CASK: variants seen among roughly 807,000 people sequenced by gnomAD.
CASK encodes the protein peripheral plasma membrane protein CASK.
In CASK, 4 loss-of-function variants were observed where a neutral mutation model predicts 82.9. The observed-to-expected ratio is 0.05, with a 90% CI of 0.02 to 0.11. The LOEUF (loss-of-function observed/expected upper bound fraction) is 0.11. Ranked by LOEUF, CASK falls within the 10% of genes least tolerant of loss-of-function variation. CASK has a pLI of 1.00. For synonymous variants in CASK, 259 were observed against 253.5 expected (o/e 1.02, Z -0.20); for missense variants, 358 against 720.9 (o/e 0.50, Z 5.76).
chrX:41,790,285 T>G (rs2069688295), intron 2 of CASK: 1 of 652,518 alleles, frequency 1.5e-6, no homozygotes, highest in Non-Finnish European at 2.1e-6. Context: ...CAGGCTGGTC[T>G]TGAACTCCTG....
chrX:41,632,818 G>A (rs1329888882), intron 9 of CASK, among the ~76,000 whole-genome samples: 1 of 110,348 alleles, frequency 9.1e-6, no homozygotes, highest in Non-Finnish European at 1.9e-5. Context: ...AGGCCGAGGC[G>A]GGCGGATCAC....
intron 5 of CASK, among the ~76,000 whole-genome samples, chrX:41,685,335 G>T (rs1465926831): frequency 8.9e-6 from 1 of 111,888 alleles, no homozygotes; most frequent in African/African-American, 3.2e-5. Flanking sequence ...TTCCCCATTG[G>T]TAACTATTTT....
At chrX:41,873,000 G>A (rs892348628) in intron 1 of CASK, among the ~76,000 whole-genome samples, 1 of 111,346 alleles carries the variant, frequency 9.0e-6, no homozygotes, top group Non-Finnish European at 1.9e-5. Flanking sequence ...TAGCTGAAGA[G>A]TAAAATAAAT....
chrX:41,617,264 TC>T (rs2066217586), intron 11 of CASK, among the ~76,000 whole-genome samples: 1 of 112,103 alleles, frequency 8.9e-6, no homozygotes, highest in Non-Finnish European at 1.9e-5. Context: ...CTATTAAACC[TC>T]CTTGGATCTG....
At chrX:41,719,964 G>A (rs1352260947) in intron 5 of CASK, among the ~76,000 whole-genome samples, 2 of 112,732 alleles carry the variant, frequency 1.8e-5, no homozygotes, top group African/African-American at 6.4e-5. Flanking sequence ...ACGGCTAGCA[G>A]ATATTTAAGA....
At chrX:41,602,283 T>C (rs1192415699) in intron 12 of CASK, among the ~76,000 whole-genome samples, 1 of 111,890 alleles carries the variant, frequency 8.9e-6, no homozygotes, top group Non-Finnish European at 1.9e-5. Flanking sequence ...CTTTCTTTCA[T>C]AGCATTTTTT....
chrX:41,820,650 T>C (rs1194342075), intron 2 of CASK, among the ~76,000 whole-genome samples: 1 of 110,713 alleles, frequency 9.0e-6, no homozygotes, highest in Non-Finnish European at 1.9e-5. Flanking sequence ...ATTCACAAAT[T>C]TACTCTAAAT....
chrX:41,608,497 A>G (rs970333904), intron 12 of CASK, among the ~76,000 whole-genome samples: 1 of 112,095 alleles, frequency 8.9e-6, no homozygotes, highest in African/African-American at 3.2e-5. Flanking sequence ...TTCAGCACCA[A>G]ACAGTTCTAG....
chrX:41,612,280 G>T (rs1183687517), intron 11 of CASK, among the ~76,000 whole-genome samples: 1 of 106,808 alleles, frequency 9.4e-6, no homozygotes, highest in Non-Finnish European at 1.9e-5. Flanking sequence ...GCCGCCCATC[G>T]TCTGAGATGT....
chrX:41,766,689 C>T (rs747902625), intron 3 of CASK, among the ~76,000 whole-genome samples: 1 of 111,854 alleles, frequency 8.9e-6, no homozygotes, highest in Non-Finnish European at 1.9e-5. Flanking sequence ...GAGTTTGAGA[C>T]CAGCCTGGCC....
At chrX:41,672,772 T>C (rs996427627) in intron 5 of CASK, among the ~76,000 whole-genome samples, 1 of 111,605 alleles carries the variant, frequency 9.0e-6, no homozygotes, top group African/African-American at 3.3e-5. Context: ...AATACAAGTG[T>C]GTATGTGAGA....
At chrX:41,833,553 T>C (rs1418571963) in intron 2 of CASK, among the ~76,000 whole-genome samples, 1 of 110,602 alleles carries the variant, frequency 9.0e-6, no homozygotes, top group Non-Finnish European at 1.9e-5. Context: ...GTTCTGAAAA[T>C]AGGTAGCAAT....
At chrX:41,919,213 A>G (rs2072743430) in intron 1 of CASK, 1 of 112,223 alleles carries the variant, frequency 8.9e-6, no homozygotes. Context: ...AGATCCATAA[A>G]TAAGTAACTG....
At chrX:41,769,198 CT>C (rs759796998) in intron 3 of CASK, among the ~76,000 whole-genome samples, 73 of 91,512 alleles carry the variant, frequency 8.0e-4, no homozygotes, top group Non-Finnish European at 1.1e-3. Context: ...TTTTCTTTTT[CT>C]TTTTTTTTTT....
At chrX:41,646,536 C>A (rs1294415029) in intron 8 of CASK, among the ~76,000 whole-genome samples, 3 of 111,313 alleles carry the variant, frequency 2.7e-5, no homozygotes, top group Non-Finnish European at 5.7e-5. Context: ...TGATACTCCC[C>A]ATTCTGAGCC....
chrX:41,544,707 AAAAAAAC>A lies in CASK; in HGVS notation c.2040-1908_2040-1902del, dbSNP rs1214155047. Among the ~76,000 whole-genome samples the A allele has an allele frequency of 6.6e-5, 7 of 106,090 alleles. No individual in the cohort carries two copies. The South Asian group carries it at 1.2e-3, about 19-fold the overall frequency. The allele number at this position is 106,090 out of a possible 115,157, so 92.1% of individuals were successfully genotyped here. ...ACATAACAAGACCCTATCTCTACAA[AAAAAAAC>A]AAAAAACAAAAAACAAACAAAAAAA... On this transcript the variant is annotated intron_variant, in intron 21 of 26. Transcript: ENST00000378163.
chrX:41,827,288 TG>T (rs2070689017), intron 2 of CASK, among the ~76,000 whole-genome samples: 1 of 111,911 alleles, frequency 8.9e-6, no homozygotes. Context: ...TTAGTCTGTT[TG>T]GGCTGGCTAT....
chrX:41,667,368 C>T lies in CASK; in HGVS notation c.533-1916G>A, dbSNP rs993457100. ...CTAAAAATCCTTGTTTTTGCTGATA[C>T]TTCTTCTTGACTTTTAGGACTTTGA... On this transcript the variant is annotated intron_variant, in intron 6 of 26. Transcript: ENST00000378163. Among the ~76,000 whole-genome samples the T allele has an allele frequency of 2.2e-4, 25 of 111,484 alleles. 1 individual carries two copies. The highest frequency in any genetic ancestry group is 2.2e-3 in the Admixed American group (23 of 10,435).
intron 8 of CASK, among the ~76,000 whole-genome samples, chrX:41,645,437 T>C (rs1019644149): frequency 3.6e-5 from 4 of 111,390 alleles, no homozygotes; most frequent in African/African-American, 1.3e-4. Flanking sequence ...TGCTTGTGTT[T>C]CACCAGGAGA....
Sources: allele counts gnomAD v4.1 joint callset (sites outside exome capture counted in the v4.1 genomes callset), GRCh38; gene constraint gnomAD v4.1.1; transcripts MANE v1.5; gene names NCBI Gene and HGNC (gene_info 2026-07-23, HGNC 2026-07-21).